PDS5B: variants seen among roughly 807,000 people sequenced by gnomAD.
PDS5B encodes the protein sister chromatid cohesion protein PDS5 homolog B.
PDS5B carries 51 observed loss-of-function variants against 184.1 expected under a neutral mutation model. The ratio of observed to expected loss-of-function variants is 0.28; its 90% confidence interval spans 0.22 to 0.35. PDS5B has a LOEUF of 0.35. Among genes scored for constraint, PDS5B ranks in the 10% least tolerant of loss-of-function variants. The probability of loss-of-function intolerance (pLI) is 1.00; values close to 1 mark genes in which losing one functional copy is unlikely to be tolerated. For missense variants in PDS5B, 1,180 were observed against 1,723.3 expected (o/e 0.68, Z 5.58); for synonymous variants, 566 against 569.2 (o/e 0.99, Z 0.08).
At chr13:32,745,715 C>A (rs1953718230) in intron 23 of PDS5B, among the ~76,000 whole-genome samples, 2 of 152,088 alleles carry the variant, frequency 1.3e-5, no homozygotes, top group Non-Finnish European at 2.9e-5. Flanking sequence ...CAAGCCCTCT[C>A]AGGCCACTTT....
At chr13:32,607,037 A>G (rs2058071057) in intron 1 of PDS5B, among the ~76,000 whole-genome samples, 1 of 152,212 alleles carries the variant, frequency 6.6e-6, no homozygotes, top group South Asian at 2.1e-4. Context: ...ATTACCGATC[A>G]TCTAAAGCCT....
At position 32,586,506 on chromosome 13, in the gene PDS5B, G is replaced by C. The variant is rs1037408418; in HGVS notation, c.-107G>C. On this transcript the variant is annotated 5_prime_UTR_variant, in exon 1 of 35. Coordinates refer to ENST00000315596, the MANE Select transcript of PDS5B (RefSeq NM_015032.4). Reference sequence around the variant, plus strand: ...GGCAGGGCTGGCTGCGGAAGGGGAGGGGGGGGGAGAAGGCGATTGGATGCG... The same window carrying C: ...GGCAGGGCTGGCTGCGGAAGGGGAGCGGGGGGGAGAAGGCGATTGGATGCG... 8.8e-5 allele frequency: 5 copies of C among 56,512 alleles called. No homozygotes were observed. The highest frequency in any genetic ancestry group is 3.7e-4 in the African/African-American group (4 of 10,686). 3.5% of individuals were successfully genotyped at this position (56,512 alleles called of 1,614,324 possible).
chr13:32,655,465 G>A (rs1444880327), intron 3 of PDS5B, among the ~76,000 whole-genome samples: 1 of 145,130 alleles, frequency 6.9e-6, no homozygotes, highest in African/African-American at 2.6e-5. Flanking sequence ...TGCAACCTCC[G>A]TTTCTCAGGT....
In PDS5B at chr13:32,775,641, C is replaced by A. The variant is rs1954932925; in HGVS notation, c.*589C>A. On this transcript the variant is annotated 3_prime_UTR_variant, in exon 35 of 35. Transcript: ENST00000315596. ...AGAGGTGCTAAATTGTCTGCCATTA[C>A]ACCAGAAGGATGCCTCTGATAGGAG... The A allele has an allele frequency of 2.2e-6, 1 of 456,142 alleles. No homozygotes were observed. The highest frequency in any genetic ancestry group is 4.4e-6 in the Non-Finnish European group (1 of 226,706). 28.3% of individuals were successfully genotyped at this position (456,142 alleles called of 1,614,324 possible).
At chr13:32,761,564 G>A (rs1318667964) in intron 30 of PDS5B, among the ~76,000 whole-genome samples, 1 of 152,148 alleles carries the variant, frequency 6.6e-6, no homozygotes, top group African/African-American at 2.4e-5. Context: ...GTGAGAACAT[G>A]CAGTATTTGG....
At chr13:32,623,048 GT>G in intron 1 of PDS5B, among the ~76,000 whole-genome samples, 1 of 152,244 alleles carries the variant, frequency 6.6e-6, no homozygotes, top group Admixed American at 6.5e-5. Flanking sequence ...CTGCTGATTG[GT>G]TTGGTTGGAA....
intron 24 of PDS5B, among the ~76,000 whole-genome samples, chr13:32,746,352 A>G (rs1223202130): frequency 1.3e-5 from 2 of 152,238 alleles, no homozygotes; most frequent in Non-Finnish European, 2.9e-5. Flanking sequence ...CAGTTAGCAG[A>G]TACTGAACAG....
Position 32,611,800 on chromosome 13 carries a change from T to G in PDS5B, c.-20+25207T>G, listed in dbSNP as rs529164065. 2.4e-3 allele frequency among the ~76,000 whole-genome samples: 363 copies of G among 152,132 alleles called. 1 individual carries two copies. The highest frequency in any genetic ancestry group is 8.0e-3 in the African/African-American group (332 of 41,514). ...CTGGGATTACAAGCATGAGCCACGG[T>G]GCCTGGTTCTCACTGCCCCCGCCCC... is the stretch of plus-strand genomic sequence containing the variant. On this transcript the variant is annotated intron_variant, in intron 1 of 34. Transcript: ENST00000315596.
chr13:32,699,831 A>T lies in PDS5B; in HGVS notation c.1702A>T (p.Ser568Cys). Residue 568 changes from serine to cysteine, a missense_variant, in exon 16 of 35, where the codon AGT becomes TGT. Physicochemically the swap from Ser to Cys is moderately radical, Grantham distance 112 (BLOSUM62 -1). Transcript: ENST00000315596. ...KIRKQLEVLV[S>C]PTCSCKQAEG... ...AAGAAAGCAGTTAGAAGTACTTGTT[A>T]GTCCAACATGCTCCTGCAAGCAGGC... is the stretch of plus-strand genomic sequence containing the variant. The T allele has an allele frequency of 6.3e-7, 1 of 1,576,674 alleles. No individual in the cohort carries two copies.
At position 32,616,598 on chromosome 13, in the gene PDS5B, T is replaced by C. The variant is rs77858023; in HGVS notation, c.-20+30005T>C. 1.0e-2 allele frequency among the ~76,000 whole-genome samples: 1,520 copies of C among 152,256 alleles called. 12 individuals are homozygous for C. Among genetic ancestry groups the C allele is most frequent in the African/African-American group, 0.026 (1,072 of 41,538 alleles). ...TAAATACAAGAAAATGTAGCCCGAG[T>C]TGCCATTGTCTGATTTCTAATCCAA... is the stretch of plus-strand genomic sequence containing the variant. On this transcript the variant is annotated intron_variant, in intron 1 of 34. Coordinates refer to ENST00000315596, the MANE Select transcript of PDS5B (RefSeq NM_015032.4).
intron 1 of PDS5B, among the ~76,000 whole-genome samples, chr13:32,634,056 A>G (rs1352822238): frequency 1.3e-5 from 2 of 152,130 alleles, no homozygotes; most frequent in Non-Finnish European, 2.9e-5. Flanking sequence ...CTCTTATGTT[A>G]TCTTCCAGTT....
At chr13:32,716,474 C>T (rs1184864079) in intron 19 of PDS5B, among the ~76,000 whole-genome samples, 10 of 151,890 alleles carry the variant, frequency 6.6e-5, no homozygotes, top group East Asian at 3.9e-4. Context: ...GCAGCCGCCC[C>T]GTCTGAGAAG....
chr13:32,630,362 A>G (rs2058435811), intron 1 of PDS5B, among the ~76,000 whole-genome samples: 1 of 152,100 alleles, frequency 6.6e-6, no homozygotes, highest in Admixed American at 6.5e-5. Context: ...GTCTGGAGAC[A>G]TTTTTGGTTG....
At chr13:32,734,659 G>A (rs1171910088) in intron 20 of PDS5B, among the ~76,000 whole-genome samples, 1 of 152,172 alleles carries the variant, frequency 6.6e-6, no homozygotes, top group Non-Finnish European at 1.5e-5. Flanking sequence ...GCCAGCCAGT[G>A]AGTAGAGCCT....
intron 2 of PDS5B, 44 bp downstream of exon 2, chr13:32,648,924 G>T (rs1215914441): frequency 1.1e-6 from 1 of 888,702 alleles, no homozygotes; most frequent in African/African-American, 1.6e-5. Flanking sequence ...TAGGGCAGAG[G>T]TCCCCTGTGG....
chr13:32,648,839 TC>T lies in PDS5B; in HGVS notation c.68del (p.Ser23Ter). On this transcript the variant is annotated frameshift_variant, in exon 2 of 35. Coordinates refer to ENST00000315596, the MANE Select transcript of PDS5B (RefSeq NM_015032.4). LOFTEE classifies it high-confidence loss of function. ...ITYPPGVKEISDKISKEEMVR... is the reference protein window; with the variant it reads ...ITYPPGVKEIXDKISKEEMVR... ...ATATCCGCCTGGGGTCAAGGAAATA[TC>T]AGATAAAATATCTAAAGAGGAGATG... 1 of 1,545,676 alleles carries T rather than the reference TC, an allele frequency of 6.5e-7. No individual in the cohort carries two copies. The highest frequency in any genetic ancestry group is 8.9e-7 in the Non-Finnish European group (1 of 1,117,630).
intron 31 of PDS5B, among the ~76,000 whole-genome samples, chr13:32,766,741 G>A (rs1954599456): frequency 6.6e-6 from 1 of 151,980 alleles, no homozygotes; most frequent in African/African-American, 2.4e-5. Context: ...TACTCCCTCT[G>A]TTCTTAAAAC....
chr13:32,659,371 C>T, intron 6 of PDS5B, 91 bp downstream of exon 6: 1 of 904,220 alleles, frequency 1.1e-6, no homozygotes, highest in Non-Finnish European at 1.6e-6. Context: ...GTTTATCCTG[C>T]TTTAATCTTT....
chr13:32,707,098 A>G, intron 18 of PDS5B, 59 bp downstream of exon 18: 2 of 882,656 alleles, frequency 2.3e-6, no homozygotes, highest in Non-Finnish European at 3.5e-6. Context: ...TATACAGTTT[A>G]TATTATTTGT....
Sources: gnomAD v4.1 joint callset for allele counts (sites outside exome capture counted in the v4.1 genomes callset) on GRCh38, gnomAD v4.1.1 for gene constraint, MANE v1.5 for transcripts, NCBI Gene and HGNC (gene_info 2026-07-23, HGNC 2026-07-21) for gene names.